Variants in CASTOR2 observed in about 807,000 individuals in gnomAD.
CASTOR2 encodes cytosolic arginine sensor for mTORC1 subunit 2.
In CASTOR2, 8 loss-of-function variants were observed where a neutral mutation model predicts 31.2. The observed-to-expected ratio is 0.26, with a 90% confidence interval of 0.15 to 0.46. CASTOR2 has a LOEUF of 0.46. Among genes scored for constraint, CASTOR2 ranks in the 20% least tolerant of loss-of-function variants. The pLI, the probability that CASTOR2 is intolerant of heterozygous loss-of-function variation, is 0.99. For synonymous variants in CASTOR2, 162 were observed against 158.7 expected (o/e 1.02, Z -0.16); for missense variants, 216 against 382.1 (o/e 0.57, Z 3.62).
intron 1 of CASTOR2, among the ~76,000 whole-genome samples, chr7:75,004,096 T>G (rs2131941901): frequency 6.6e-6 from 1 of 152,214 alleles, no homozygotes; most frequent in South Asian, 2.1e-4. Flanking sequence ...TCCCCGGGGC[T>G]CTCGGGCAGC....
chr7:75,012,533 C>G (rs1327341672), intron 2 of CASTOR2, among the ~76,000 whole-genome samples: 29 of 152,118 alleles, frequency 1.9e-4, no homozygotes, highest in African/African-American at 7.0e-4. Flanking sequence ...TCTTGAACTC[C>G]TGACCTCAGA....
chr7:75,004,281 C>T (rs1217922005), intron 1 of CASTOR2, among the ~76,000 whole-genome samples: 3 of 152,276 alleles, frequency 2.0e-5, no homozygotes, highest in South Asian at 2.1e-4. Context: ...ATAGATTTCA[C>T]GTGTCCAGGC....
At chr7:75,015,327 T>C (rs1186768731) in intron 2 of CASTOR2, among the ~76,000 whole-genome samples, 1 of 152,208 alleles carries the variant, frequency 6.6e-6, no homozygotes, top group African/African-American at 2.4e-5. Flanking sequence ...TGGAGTGCAG[T>C]GGTGCGGTCA....
chr7:74,988,651 T>A (rs1344373839), intron 1 of CASTOR2, among the ~76,000 whole-genome samples: 2 of 152,046 alleles, frequency 1.3e-5, no homozygotes, highest in African/African-American at 2.4e-5. Flanking sequence ...GACTCAGAAT[T>A]TTTGGTTCGT....
At chr7:74,974,338 T>C (rs1174912154) in intron 1 of CASTOR2, among the ~76,000 whole-genome samples, 1 of 149,558 alleles carries the variant, frequency 6.7e-6, no homozygotes, top group Non-Finnish European at 1.5e-5. Context: ...CAGGGCCTGA[T>C]AGGAAGCGCG....
intron 1 of CASTOR2, among the ~76,000 whole-genome samples, chr7:75,003,706 C>T (rs1804546941): frequency 3.3e-5 from 5 of 151,058 alleles, no homozygotes; most frequent in African/African-American, 4.9e-5. Context: ...GCCGAGATTG[C>T]GCCACTGCAC....
rs1013251216 is a variant in CASTOR2, at chr7:75,031,024, G to A, written c.*6325G>A. On this transcript the variant is annotated 3_prime_UTR_variant, in exon 9 of 9. Coordinates refer to ENST00000616305, the MANE Select transcript of CASTOR2 (RefSeq NM_001145064.3). ...TCCCAAGACAGGCCAAGGCCAGTGC[G>A]GTTTCCCTTCCACTGCCTCAGTTTA... is the stretch of plus-strand genomic sequence containing the variant. 4.3e-4 allele frequency among the ~76,000 whole-genome samples: 65 copies of A among 152,314 alleles called. No homozygotes were observed. Among genetic ancestry groups the A allele is most frequent in the African/African-American group, 1.5e-3 (62 of 41,564 alleles).
At chr7:75,004,898 T>C (rs1804573241) in intron 1 of CASTOR2, among the ~76,000 whole-genome samples, 2 of 151,938 alleles carry the variant, frequency 1.3e-5, no homozygotes, top group Non-Finnish European at 2.9e-5. Flanking sequence ...GGAGTCTGAA[T>C]CTAGTCACCC....
At chr7:75,005,189 A>G (rs1223661438) in intron 1 of CASTOR2, among the ~76,000 whole-genome samples, 9 of 152,182 alleles carry the variant, frequency 5.9e-5, no homozygotes, top group African/African-American at 1.7e-4. Flanking sequence ...AATTTATATG[A>G]TCTTGTAACC....
At chr7:75,006,577 C>T (rs1251289316) in intron 1 of CASTOR2, among the ~76,000 whole-genome samples, 1 of 152,078 alleles carries the variant, frequency 6.6e-6, no homozygotes, top group African/African-American at 2.4e-5. Flanking sequence ...GTGATACTTG[C>T]CCTTTGCCTG....
intron 7 of CASTOR2, among the ~76,000 whole-genome samples, chr7:75,023,530 A>G (rs1266137227): frequency 5.3e-5 from 8 of 149,864 alleles, no homozygotes; most frequent in East Asian, 2.0e-4. Context: ...CTGAAGTGCA[A>G]TGGCGCAGTC....
intron 1 of CASTOR2, among the ~76,000 whole-genome samples, chr7:74,975,111 A>G (rs4029879): frequency 1.2e-3 from 184 of 149,740 alleles, no homozygotes; most frequent in African/African-American, 3.8e-3. Context: ...TGGGGTTACA[A>G]GTACCACCAC....
chr7:75,009,620 C>G (rs1315262121), intron 2 of CASTOR2, among the ~76,000 whole-genome samples: 1 of 151,906 alleles, frequency 6.6e-6, no homozygotes, highest in African/African-American at 2.4e-5. Context: ...TGGCCCCCCC[C>G]GCCCCCACCA....
Position 75,022,038 on chromosome 7 carries a change from G to C in CASTOR2, c.829+82G>C, listed in dbSNP as rs1173677319. ...TCACATACGTTGTCCGCAGTGACTC[G>C]GCCCCTGCTGGGGGGTACAGATGGG... On this transcript the variant is annotated intron_variant, in intron 7 of 8. Coordinates refer to ENST00000616305, the MANE Select transcript of CASTOR2 (RefSeq NM_001145064.3). The C allele has an allele frequency of 5.1e-5, 76 of 1,492,426 alleles. 1 individual carries two copies. Among genetic ancestry groups the C allele is most frequent in the Non-Finnish European group, 6.5e-5 (71 of 1,093,486 alleles). The allele number at this position is 1,492,426 out of a possible 1,614,324, so 92.4% of individuals were successfully genotyped here. A position where few individuals can be genotyped will look rare whatever the true frequency, so the allele number is the denominator to read the frequency against.
chr7:75,016,719 T>G (rs1253911887), intron 2 of CASTOR2, among the ~76,000 whole-genome samples: 6 of 152,228 alleles, frequency 3.9e-5, no homozygotes, highest in African/African-American at 1.4e-4. Context: ...CCACTACTGA[T>G]GCCATCGTTT....
chr7:75,021,752 C>A, intron 6 of CASTOR2, 122 bp from the exon 7 acceptor site: 1 of 1,230,876 alleles, frequency 8.1e-7, no homozygotes, highest in Non-Finnish European at 1.2e-6. Flanking sequence ...TTGGGGGGCC[C>A]TGAGGTCTGC....
intron 1 of CASTOR2, among the ~76,000 whole-genome samples, chr7:74,991,811 G>A (rs1804218317): frequency 6.6e-6 from 1 of 152,064 alleles, no homozygotes; most frequent in African/African-American, 2.4e-5. Context: ...CATGGGGGCT[G>A]GACAGAAACA....
intron 2 of CASTOR2, among the ~76,000 whole-genome samples, chr7:75,008,610 C>T (rs1335027168): frequency 7.2e-5 from 11 of 152,048 alleles, no homozygotes; most frequent in Admixed American, 5.2e-4. Context: ...GCAGGAGGAT[C>T]GTTTGAGCCC....
rs1160270864 is a variant in CASTOR2, at chr7:74,988,488, A to G, written c.114-19506A>G. Among the ~76,000 whole-genome samples, 18 of 152,132 alleles carry G rather than the reference A, an allele frequency of 1.2e-4. No individual in the cohort carries two copies. In the East Asian group the frequency reaches 1.7e-3, roughly 15 times the overall value. On this transcript the variant is annotated intron_variant, in intron 1 of 8. Coordinates refer to ENST00000616305, the MANE Select transcript of CASTOR2 (RefSeq NM_001145064.3). Reference sequence around the variant, plus strand: ...AATTTTTTATGTTTTTAGTAGAGACAGGGTTTCACCATGTTAGCCAGGATG... The same window carrying G: ...AATTTTTTATGTTTTTAGTAGAGACGGGGTTTCACCATGTTAGCCAGGATG...
Sources: allele counts gnomAD v4.1 joint callset (sites outside exome capture counted in the v4.1 genomes callset), GRCh38; gene constraint gnomAD v4.1.1; transcripts MANE v1.5; gene names NCBI Gene and HGNC (gene_info 2026-07-23, HGNC 2026-07-21).